SYK: variants seen among roughly 807,000 people sequenced by gnomAD.
SYK encodes tyrosine-protein kinase SYK.
Under a neutral mutation model 77.8 loss-of-function variants are expected in SYK, and 16 were observed. The ratio of observed to expected loss-of-function variants is 0.21; its 90% confidence interval spans 0.14 to 0.31. The LOEUF (loss-of-function observed/expected upper bound fraction) is 0.31. Among genes scored for constraint, SYK ranks in the 10% least tolerant of loss-of-function variants. The pLI, the probability that SYK is intolerant of heterozygous loss-of-function variation, is 1.00. For missense variants in SYK, 529 were observed against 814.4 expected, an observed-to-expected ratio of 0.65 and a Z score of 4.26; for synonymous variants, 312 against 308.7, an observed-to-expected ratio of 1.01 and a Z score of -0.11.
chr9:90,864,181 T>A (rs971870896), intron 4 of SYK, among the ~76,000 whole-genome samples: 2 of 152,236 alleles, frequency 1.3e-5, no homozygotes, highest in Non-Finnish European at 2.9e-5. Context: ...TATTTCAATA[T>A]TCTTTACTGT....
At chr9:90,841,513 CATGCATGT>C (rs1826334248) in intron 1 of SYK, among the ~76,000 whole-genome samples, 2 of 64,564 alleles carry the variant, frequency 3.1e-5, no homozygotes, top group South Asian at 5.5e-4. Context: ...ATATGTGTGG[CATGCATGT>C]AGTGGGCATG....
At chr9:90,836,515 A>G (rs1301474502) in intron 1 of SYK, among the ~76,000 whole-genome samples, 1 of 152,228 alleles carries the variant, frequency 6.6e-6, no homozygotes, top group East Asian at 1.9e-4. Flanking sequence ...TAACTGCAGT[A>G]CACACTGTAC....
At chr9:90,883,762 C>T (rs191362882) in intron 11 of SYK, among the ~76,000 whole-genome samples, 1 of 152,110 alleles carries the variant, frequency 6.6e-6, no homozygotes, top group Non-Finnish European at 1.5e-5. Context: ...ACCACCATTA[C>T]TGCCATCACC....
chr9:90,887,405 C>CTTTTTTTTTTTTTTTTT (rs3056951), intron 11 of SYK, among the ~76,000 whole-genome samples: 1 of 128,940 alleles, frequency 7.8e-6, no homozygotes, highest in Non-Finnish European at 1.6e-5. Flanking sequence ...TTCTTTCTTT[C>CTTTTTTTTTTTTTTTTT]TTTTTTTTTT....
intron 3 of SYK, among the ~76,000 whole-genome samples, chr9:90,859,162 C>T (rs1370314587): frequency 6.6e-6 from 1 of 152,192 alleles, no homozygotes; most frequent in African/African-American, 2.4e-5. Flanking sequence ...ACAACCCAGT[C>T]AAGAAATGAA....
intron 7 of SYK, among the ~76,000 whole-genome samples, chr9:90,872,772 C>G (rs868330437): frequency 2.1e-4 from 32 of 152,268 alleles, no homozygotes; most frequent in African/African-American, 7.7e-4. Context: ...ATTCACCCAT[C>G]CATTCATTCA....
At chr9:90,888,422 G>T in intron 12 of SYK, 93 bp from the exon 13 acceptor site, 1 of 851,344 alleles carries the variant, frequency 1.2e-6, no homozygotes, top group South Asian at 1.8e-5. Context: ...ATCATACAAT[G>T]TGTACTCCTT....
At chr9:90,806,709 GTTAT>G (rs1369236321) in intron 1 of SYK, among the ~76,000 whole-genome samples, 1 of 152,112 alleles carries the variant, frequency 6.6e-6, no homozygotes, top group African/African-American at 2.4e-5. Flanking sequence ...TAATTCTATG[GTTAT>G]TTATTTATTG....
At chr9:90,867,249 C>G (rs202209558) in intron 7 of SYK, 50 bp downstream of exon 7, 7 of 1,582,264 alleles carry the variant, frequency 4.4e-6, no homozygotes, top group Admixed American at 1.7e-5. Flanking sequence ...AGGACCAACG[C>G]GCACTCAGCT....
At chr9:90,870,925 A>G (rs866769805) in intron 7 of SYK, among the ~76,000 whole-genome samples, 15 of 152,344 alleles carry the variant, frequency 9.8e-5, no homozygotes, top group Admixed American at 2.0e-4. Context: ...ATGTTAGGAC[A>G]CTTGGCAATA....
rs1308043617 is a variant in SYK at position 90,822,924 on chromosome 9, CTTA to C, written c.-41-20931_-41-20929del. ...TGATTAATACAAGCCTCACTAGGTT[CTTA>C]TTGTGAAGATCTGAGAAAGAGCTCC... On this transcript the variant is annotated intron_variant, in intron 1 of 13. Coordinates refer to ENST00000375754, the MANE Select transcript of SYK (RefSeq NM_003177.7). 2.6e-5 allele frequency among the ~76,000 whole-genome samples: 4 copies of C among 152,166 alleles called. No individual in the cohort carries two copies. The East Asian group carries it at 7.7e-4, about 29-fold the overall frequency.
At position 90,820,271 on chromosome 9, in the gene SYK, G is replaced by A. The variant is rs181678856; in HGVS notation, c.-42+18378G>A. Among the ~76,000 whole-genome samples the A allele has an allele frequency of 7.6e-3, 1,158 of 152,252 alleles. 8 individuals carry two copies. Among genetic ancestry groups the A allele is most frequent in the Middle Eastern group, 0.024 (7 of 294 alleles). On this transcript the variant is annotated intron_variant, in intron 1 of 13. Coordinates refer to ENST00000375754, the MANE Select transcript of SYK (RefSeq NM_003177.7). ...TGTAGGATGGTGACCCTCTACTCAC[G>A]GCTCCACTAGGCAGTGCCCCAGTAG...
intron 13 of SYK, among the ~76,000 whole-genome samples, chr9:90,893,023 C>T (rs564444253): frequency 5.3e-5 from 8 of 152,350 alleles, no homozygotes; most frequent in African/African-American, 1.9e-4. Context: ...TTCACAGGGT[C>T]GGTGGCCACT....
chr9:90,864,739 T>A (rs546889168), intron 5 of SYK, 72 bp downstream of exon 5: 5 of 1,392,552 alleles, frequency 3.6e-6, no homozygotes, highest in African/African-American at 2.9e-5. Flanking sequence ...TAGACTTAGC[T>A]GATTGCAGAT....
chr9:90,807,808 A>G (rs1824899129), intron 1 of SYK, among the ~76,000 whole-genome samples: 1 of 152,092 alleles, frequency 6.6e-6, no homozygotes, highest in South Asian at 2.1e-4. Flanking sequence ...CTTAACCTCC[A>G]CCCTCAGTCC....
chr9:90,835,877 T>C (rs568476096), intron 1 of SYK, among the ~76,000 whole-genome samples: 58 of 152,340 alleles, frequency 3.8e-4, no homozygotes, highest in African/African-American at 1.2e-3. Context: ...ACGTTACAGG[T>C]TTGAACCATG....
intron 1 of SYK, among the ~76,000 whole-genome samples, chr9:90,833,907 G>C (rs1163526773): frequency 1.3e-5 from 2 of 152,354 alleles, no homozygotes; most frequent in Middle Eastern, 3.4e-3. Flanking sequence ...ACATGAGGAT[G>C]CTAGTGGGAT....
At chr9:90,883,157 G>A (rs1828221580) in intron 11 of SYK, among the ~76,000 whole-genome samples, 1 of 152,006 alleles carries the variant, frequency 6.6e-6, no homozygotes, top group South Asian at 2.1e-4. Context: ...AGGACAGAGG[G>A]GAGAATGGAC....
At chr9:90,881,748 CT>C (rs1828167061) in intron 11 of SYK, among the ~76,000 whole-genome samples, 1 of 151,530 alleles carries the variant, frequency 6.6e-6, no homozygotes, top group African/African-American at 2.4e-5. Context: ...CAAACGAACG[CT>C]GGCACTCGGG....
Sources: allele counts gnomAD v4.1 joint callset (sites outside exome capture counted in the v4.1 genomes callset), GRCh38; gene constraint gnomAD v4.1.1; transcripts MANE v1.5; gene names NCBI Gene and HGNC (gene_info 2026-07-23, HGNC 2026-07-21).